Variants in TRAF3 observed in about 807,000 individuals in gnomAD.
The protein encoded by TRAF3 is TNF receptor-associated factor 3.
In TRAF3, 13 loss-of-function variants were observed where a neutral mutation model predicts 62.3. That is an observed-to-expected ratio of 0.21 (90% CI 0.14 to 0.33). TRAF3 has a LOEUF of 0.33. Among genes scored for constraint, TRAF3 ranks in the 10% least tolerant of loss-of-function variants. TRAF3 has a pLI of 1.00. For synonymous variants in TRAF3, 269 were observed against 283.4 expected (o/e 0.95, Z 0.51); for missense variants, 440 against 741.8 (o/e 0.59, Z 4.73).
Position 102,906,199 on chromosome 14 carries a change from A to G in TRAF3, c.*415A>G, listed in dbSNP as rs1055408636. On this transcript the variant is annotated 3_prime_UTR_variant, in exon 12 of 12. Transcript: ENST00000392745. ...AGCATGTTAAGTAAAAGGAGAATTT[A>G]TGAAATAGTAATGCAATTCTGATAT... 1.2e-5 allele frequency: 2 copies of G among 168,190 alleles called. No homozygotes were observed. Among genetic ancestry groups the G allele is most frequent in the African/African-American group, 4.8e-5 (2 of 41,766 alleles). 10.4% of individuals were successfully genotyped at this position (168,190 alleles called of 1,614,324 possible). A position where few individuals can be genotyped will look rare whatever the true frequency, so the allele number is the denominator to read the frequency against.
At chr14:102,862,438 T>A (rs1250659523) in intron 2 of TRAF3, among the ~76,000 whole-genome samples, 1 of 152,094 alleles carries the variant, frequency 6.6e-6, no homozygotes, top group Non-Finnish European at 1.5e-5. Context: ...GTTGACAGAT[T>A]TTTTTCTTTC....
In TRAF3 at chr14:102,905,774, C is replaced by T; in HGVS notation, c.1697C>T (p.Pro566Leu). 1 of 1,613,418 alleles carries T rather than the reference C, an allele frequency of 6.2e-7. No individual in the cohort carries two copies. Among genetic ancestry groups the T allele is most frequent in the Non-Finnish European group, 8.5e-7 (1 of 1,179,748 alleles). Residue 566 changes from proline (P) to leucine (L), a missense_variant, in exon 12 of 12, where the codon CCC becomes CTC. Physicochemically the swap from Pro to Leu is moderately conservative, Grantham distance 98 (BLOSUM62 -3). Around this residue, in one of 6 missense-constraint regions of TRAF3, gnomAD observed 59 missense variants for 120.9 expected, o/e 0.49. Coordinates refer to ENST00000392745, the MANE Select transcript of TRAF3 (RefSeq NM_145725.3). The part of the protein sequence containing the change: ...IKVIVDTSDL[P>L]DP ...GTCATAGTGGATACTTCGGATCTGCCCGATCCCTGATAAGTAGCTGGGGAG... is the reference window on the plus strand; with the variant it reads ...GTCATAGTGGATACTTCGGATCTGCTCGATCCCTGATAAGTAGCTGGGGAG...
chr14:102,894,013 ATGTT>A (rs1329046325), intron 9 of TRAF3, among the ~76,000 whole-genome samples: 2 of 152,184 alleles, frequency 1.3e-5, no homozygotes, highest in African/African-American at 2.4e-5. Flanking sequence ...AGAAAATAGA[ATGTT>A]TGAGCGGGTT....
At position 102,905,529 on chromosome 14, in the gene TRAF3, C is replaced by T. The variant is rs1324966628; in HGVS notation, c.1452C>T (p.Ala484=). The T allele has an allele frequency of 1.2e-6, 2 of 1,614,000 alleles. No individual in the cohort carries two copies. The highest frequency in any genetic ancestry group is 1.7e-6 in the Non-Finnish European group (2 of 1,180,034). Residue 484 remains alanine (A), a synonymous_variant, in exon 12 of 12, where the codon GCC becomes GCT. Transcript: ENST00000392745. ...FFVIMRGEYD[A]LLPWPFKQKV... is the part of the protein sequence containing the mutation. Reference sequence around the variant, plus strand: ...TCATCATGCGTGGAGAATATGATGCCCTGCTTCCTTGGCCGTTTAAGCAGA... The same window carrying T: ...TCATCATGCGTGGAGAATATGATGCTCTGCTTCCTTGGCCGTTTAAGCAGA...
chr14:102,810,090 A>G (rs969480537), intron 1 of TRAF3, among the ~76,000 whole-genome samples: 1 of 152,176 alleles, frequency 6.6e-6, no homozygotes, highest in Non-Finnish European at 1.5e-5. Context: ...AACATAAAAT[A>G]GTTACTGTCT....
At chr14:102,813,591 C>G (rs1056185342) in intron 1 of TRAF3, among the ~76,000 whole-genome samples, 1 of 151,960 alleles carries the variant, frequency 6.6e-6, no homozygotes. Context: ...GCTGGGACTA[C>G]AGGCGCACAC....
In TRAF3 at chr14:102,821,260, C is replaced by T. The variant is rs540676754; in HGVS notation, c.-156-9074C>T. 1.1e-4 allele frequency among the ~76,000 whole-genome samples: 17 copies of T among 152,242 alleles called. No individual in the cohort carries two copies. The East Asian group carries it at 3.1e-3, about 28-fold the overall frequency. ...ACTTAATGATTCAAGATTTAATGAG[C>T]CGTGACACTTTTAGTAACACCGTCT... On this transcript the variant is annotated intron_variant, in intron 1 of 11. Transcript: ENST00000392745.
chr14:102,879,925 T>G (rs1299620035), intron 6 of TRAF3, among the ~76,000 whole-genome samples: 2 of 152,020 alleles, frequency 1.3e-5, no homozygotes, highest in African/African-American at 4.8e-5. Flanking sequence ...GAGACCAGCA[T>G]GGGCAACATA....
intron 2 of TRAF3, among the ~76,000 whole-genome samples, chr14:102,850,173 G>T (rs1265124769): frequency 1.3e-5 from 2 of 152,136 alleles, no homozygotes; most frequent in South Asian, 4.1e-4. Flanking sequence ...AAGGAATCCA[G>T]TCCACCTCTT....
intron 2 of TRAF3, among the ~76,000 whole-genome samples, chr14:102,853,571 A>G (rs1435062224): frequency 6.6e-6 from 1 of 152,120 alleles, no homozygotes; most frequent in Non-Finnish European, 1.5e-5. Context: ...GTGGTGGCTC[A>G]TGCCTGTAAT....
chr14:102,796,947 T>C (rs1329723702), intron 1 of TRAF3, among the ~76,000 whole-genome samples: 1 of 152,216 alleles, frequency 6.6e-6, no homozygotes, highest in Non-Finnish European at 1.5e-5. Context: ...ACGTACTTTC[T>C]CATTCCCCAT....
At chr14:102,830,962 T>G (rs1595340630) in intron 2 of TRAF3, among the ~76,000 whole-genome samples, 5 of 152,344 alleles carry the variant, frequency 3.3e-5, no homozygotes, top group African/African-American at 1.2e-4. Context: ...CTTACAAGGT[T>G]TGAAATACAA....
intron 1 of TRAF3, among the ~76,000 whole-genome samples, chr14:102,798,964 AT>A (rs1226467659): frequency 6.6e-6 from 1 of 152,182 alleles, no homozygotes; most frequent in Admixed American, 6.5e-5. Context: ...ATTAGTAATT[AT>A]CAAAAGCTAA....
chr14:102,815,196 C>T (rs1240257317), intron 1 of TRAF3, among the ~76,000 whole-genome samples: 2 of 152,136 alleles, frequency 1.3e-5, no homozygotes, highest in Non-Finnish European at 2.9e-5. Context: ...GCTTCAGCCT[C>T]CTAAAGTGTT....
chr14:102,816,457 T>TA (rs968102557), intron 1 of TRAF3, among the ~76,000 whole-genome samples: 1 of 152,146 alleles, frequency 6.6e-6, no homozygotes, highest in African/African-American at 2.4e-5. Context: ...AAGTGTGGTT[T>TA]AAAAAAATGC....
intron 2 of TRAF3, among the ~76,000 whole-genome samples, chr14:102,856,097 C>CAAAAAAAAAAA (rs3070340): frequency 1.6e-5 from 1 of 62,954 alleles, no homozygotes. Context: ...CCCTGTCTCA[C>CAAAAAAAAAAA]AAAAAAAAAA....
At chr14:102,867,960 C>T (rs779903849) in intron 2 of TRAF3, among the ~76,000 whole-genome samples, 2 of 152,346 alleles carry the variant, frequency 1.3e-5, no homozygotes, top group East Asian at 3.9e-4. Context: ...CTGTTTGCTT[C>T]TAGCTGTAAA....
intron 2 of TRAF3, among the ~76,000 whole-genome samples, chr14:102,856,046 C>T (rs1210983379): frequency 6.9e-6 from 1 of 144,230 alleles, no homozygotes. Flanking sequence ...AAGTCACGTT[C>T]ACACCACTGC....
At position 102,783,645 on chromosome 14, in the gene TRAF3, A is replaced by G. The variant is rs187216250; in HGVS notation, c.-157+5970A>G. On this transcript the variant is annotated intron_variant, in intron 1 of 11. Coordinates refer to ENST00000392745, the MANE Select transcript of TRAF3 (RefSeq NM_145725.3). ...TGGCTGATTGTTTTAATATAAACTTACTTCGTTCCCTAAATCTTTCAAAAC... is the reference window on the plus strand; with the variant it reads ...TGGCTGATTGTTTTAATATAAACTTGCTTCGTTCCCTAAATCTTTCAAAAC... 2.0e-5 allele frequency among the ~76,000 whole-genome samples: 3 copies of G among 152,330 alleles called. No homozygotes were observed. The East Asian group carries it at 5.8e-4, about 29-fold the overall frequency.
Sources: gnomAD v4.1 joint callset for allele counts (sites outside exome capture counted in the v4.1 genomes callset) on GRCh38, gnomAD v4.1.1 for gene constraint, gnomAD v4.1.1 regional missense constraint, MANE v1.5 for transcripts, NCBI Gene and HGNC (gene_info 2026-07-23, HGNC 2026-07-21) for gene names.